GPHN: variants seen among roughly 807,000 people sequenced by gnomAD.
GPHN encodes gephyrin.
In GPHN, 17 loss-of-function variants were observed where a neutral mutation model predicts 95.5. That is an observed-to-expected ratio of 0.18 (90% confidence interval 0.12 to 0.27). The LOEUF (loss-of-function observed/expected upper bound fraction) is 0.27. GPHN is among the 10% of genes least tolerant of loss of function. GPHN has a pLI of 1.00. For missense variants in GPHN, 660 were observed against 978.1 expected, an observed-to-expected ratio of 0.67 and a Z score of 4.34; for synonymous variants, 320 against 322.5, an observed-to-expected ratio of 0.99 and a Z score of 0.08.
At chr14:66,782,932 A>C (rs2059657548) in intron 3 of GPHN, among the ~76,000 whole-genome samples, 1 of 152,172 alleles carries the variant, frequency 6.6e-6, no homozygotes, top group African/African-American at 2.4e-5. Context: ...GAACCTCAGG[A>C]ATTGAGAAAT....
At chr14:67,557,292 A>G in the GPHN span, 2 of 1,613,622 alleles carry the variant, frequency 1.2e-6, no homozygotes, top group Non-Finnish European at 1.7e-6. Context: ...AAGAGAAGGT[A>G]AAACTATCCA....
At chr14:67,360,036 G>A in the GPHN span, 2 of 497,710 alleles carry the variant, frequency 4.0e-6, no homozygotes, top group Non-Finnish European at 7.1e-6. Context: ...GACTAGGAGC[G>A]AAGCGTGCAC....
At chr14:67,455,650 T>G in the GPHN span, among the ~76,000 whole-genome samples, 1 of 152,244 alleles carries the variant, frequency 6.6e-6, no homozygotes. Flanking sequence ...TGGAAATTTC[T>G]GCTTCCCTTT....
the GPHN span, among the ~76,000 whole-genome samples, chr14:67,318,253 A>G: frequency 1.3e-5 from 2 of 152,216 alleles, no homozygotes; most frequent in African/African-American, 4.8e-5. Flanking sequence ...TTAAACTAAT[A>G]AAGATAAAAC....
the GPHN span, chr14:67,382,338 C>CGTTTTGGGGTGATTTGTTAATACAGCA: frequency 1.0e-6 from 1 of 999,646 alleles, no homozygotes; most frequent in East Asian, 2.6e-5. Context: ...TTGGCAATTA[C>CGTTTTGGGGTGATTTGTTAATACAGCA]GTTTTGGGGT....
At chr14:66,757,677 ACCAC>A (rs2058614116) in intron 2 of GPHN, among the ~76,000 whole-genome samples, 1 of 152,200 alleles carries the variant, frequency 6.6e-6, no homozygotes, top group Non-Finnish European at 1.5e-5. Flanking sequence ...GGCGTGAGCC[ACCAC>A]ACCTGGCTGC....
At chr14:67,099,348 C>T (rs2077567770) in intron 12 of GPHN, among the ~76,000 whole-genome samples, 1 of 151,726 alleles carries the variant, frequency 6.6e-6, no homozygotes, top group South Asian at 2.1e-4. Flanking sequence ...TCTTGAACTC[C>T]CGACCTCAGG....
At chr14:66,900,337 A>G (rs957890309) in intron 5 of GPHN, among the ~76,000 whole-genome samples, 1 of 151,692 alleles carries the variant, frequency 6.6e-6, no homozygotes, top group African/African-American at 2.4e-5. Flanking sequence ...TTGATTTGAG[A>G]CTTTTCTAAT....
chr14:66,760,603 T>A, intron 2 of GPHN: 1 of 388,434 alleles, frequency 2.6e-6, no homozygotes, highest in Non-Finnish European at 5.0e-6. Context: ...TCATCCACAA[T>A]GATTGCAAGG....
chr14:66,948,127 T>C (rs1015694422), intron 8 of GPHN, among the ~76,000 whole-genome samples: 7 of 152,164 alleles, frequency 4.6e-5, no homozygotes, highest in African/African-American at 1.7e-4. Context: ...AAATTAATAC[T>C]GGCATGCAGA....
Position 66,922,919 on chromosome 14 carries a change from C to T in GPHN, c.710C>T (p.Ala237Val). ...GATAGTTCCTCATCACATATAACTG[C>T]AGCAGCCATTGCTGCCAAGGTAAGC... ...TEDSSSSHITAAAIAAKKHPF... is the reference protein window; with the variant it reads ...TEDSSSSHITVAAIAAKKHPF... The change falls in exon 7 of 23, where the codon GCA becomes GTA. Residue 237 changes from alanine to valine, a missense_variant. Around this residue, in one of 6 missense-constraint regions of GPHN, gnomAD observed 190 missense variants for 224.7 expected, o/e 0.85. Transcript: ENST00000478722. The T allele has an allele frequency of 6.2e-7, 1 of 1,612,724 alleles. No individual in the cohort carries two copies. The highest frequency in any genetic ancestry group is 8.5e-7 in the Non-Finnish European group (1 of 1,179,750).
At chr14:67,467,832 A>G in the GPHN span, 1 of 152,102 alleles carries the variant, frequency 6.6e-6, no homozygotes. Flanking sequence ...TTGCCAACAG[A>G]CCTCTCCCAT....
intron 6 of GPHN, among the ~76,000 whole-genome samples, chr14:66,921,031 C>G (rs372216416): frequency 6.6e-6 from 1 of 152,252 alleles, no homozygotes; most frequent in South Asian, 2.1e-4. Context: ...CACGATTTTG[C>G]AATTATGAAT....
chr14:66,633,616 A>ATT (rs11464724), intron 1 of GPHN, among the ~76,000 whole-genome samples: 5 of 151,912 alleles, frequency 3.3e-5, no homozygotes, highest in African/African-American at 1.2e-4. Context: ...ATTTTTAATG[A>ATT]TTTTTTGCTG....
At chr14:67,575,636 T>G in the GPHN span, 2 of 702,174 alleles carry the variant, frequency 2.8e-6, no homozygotes, top group South Asian at 3.4e-5. Flanking sequence ...TGTCTGGGTC[T>G]CTGGTGCTTC....
At chr14:66,589,437 T>C (rs1351589773) in intron 1 of GPHN, among the ~76,000 whole-genome samples, 1 of 152,112 alleles carries the variant, frequency 6.6e-6, no homozygotes, top group South Asian at 2.1e-4. Flanking sequence ...ATACACAGAC[T>C]GGTAAATTGG....
chr14:67,037,062 T>C (rs1160387874), intron 10 of GPHN, among the ~76,000 whole-genome samples: 1 of 151,896 alleles, frequency 6.6e-6, no homozygotes, highest in Non-Finnish European at 1.5e-5. Flanking sequence ...ATCAAAAAAG[T>C]CTGGAACTGG....
At chr14:66,525,833 C>G (rs951319592) in intron 1 of GPHN, among the ~76,000 whole-genome samples, 1 of 152,026 alleles carries the variant, frequency 6.6e-6, no homozygotes, top group Non-Finnish European at 1.5e-5. Flanking sequence ...CTGTTCTGTT[C>G]CATCGGTTTA....
intron 1 of GPHN, among the ~76,000 whole-genome samples, chr14:66,630,105 T>C (rs2063734683): frequency 1.3e-5 from 2 of 152,116 alleles, no homozygotes; most frequent in African/African-American, 4.8e-5. Context: ...CTACTGGAAC[T>C]TACTGGACAG....
Sources: gnomAD v4.1 joint callset for allele counts (sites outside exome capture counted in the v4.1 genomes callset) on GRCh38, gnomAD v4.1.1 for gene constraint, gnomAD v4.1.1 regional missense constraint, MANE v1.5 for transcripts, NCBI Gene and HGNC (gene_info 2026-07-23, HGNC 2026-07-21) for gene names.